The following PRDM11 variants were observed in gnomAD, a reference collection of about 807,000 sequenced individuals.
The protein encoded by PRDM11 is PR/SET domain 11, also known as PR domain-containing protein 11.
Under a neutral mutation model 97.8 loss-of-function variants are expected in PRDM11, and 20 were observed. That is an observed-to-expected ratio of 0.20 (90% CI 0.14 to 0.30). The LOEUF is 0.30. PRDM11 is among the 10% of genes least tolerant of loss of function. The pLI, the probability that PRDM11 is intolerant of heterozygous loss-of-function variation, is 1.00. For synonymous variants in PRDM11, 599 were observed against 637.7 expected, an observed-to-expected ratio of 0.94 and a Z score of 0.91; for missense variants, 1,139 against 1,555.2, an observed-to-expected ratio of 0.73 and a Z score of 4.50.
chr11:45,226,682 C>T lies in PRDM11; in HGVS notation c.2057C>T (p.Pro686Leu). 1.3e-6 allele frequency: 2 copies of T among 1,533,970 alleles called. No homozygotes were observed. Among genetic ancestry groups the T allele is most frequent in the African/African-American group, 2.7e-5 (2 of 73,100 alleles). The change falls in exon 8 of 8, where the codon CCC becomes CTC. Residue 686 changes from proline (P) to leucine (L), a missense_variant. By Grantham distance (98) the Pro-to-Leu change is moderately conservative. This residue lies in a region of PRDM11 where 710 missense variants were observed against 1,044.9 expected (regional missense o/e 0.68). Transcript: ENST00000683152. The part of the protein sequence containing the change: ...VYVQYTSSDG[P>L]PATEFLSLQE... Reference sequence around the variant, plus strand: ...GTTCAGTACACCAGCAGTGATGGGCCCCCGGCCACAGAGTTCCTGTCCCTG... The same window carrying T: ...GTTCAGTACACCAGCAGTGATGGGCTCCCGGCCACAGAGTTCCTGTCCCTG...
chr11:45,108,106 G>A (rs1852095368), intron 1 of PRDM11, among the ~76,000 whole-genome samples: 1 of 152,174 alleles, frequency 6.6e-6, no homozygotes, highest in African/African-American at 2.4e-5. Context: ...GGGATTACAA[G>A]CGTGAGCCAC....
intron 1 of PRDM11, among the ~76,000 whole-genome samples, chr11:45,124,791 T>C (rs1226012143): frequency 6.6e-6 from 1 of 152,226 alleles, no homozygotes; most frequent in Non-Finnish European, 1.5e-5. Context: ...GATATTGGTC[T>C]AACATTCTCT....
chr11:45,165,772 T>G (rs1852048977), intron 1 of PRDM11, among the ~76,000 whole-genome samples: 1 of 152,256 alleles, frequency 6.6e-6, no homozygotes, highest in Non-Finnish European at 1.5e-5. Flanking sequence ...AGTCACCAGT[T>G]TGCAGCCTGT....
At chr11:45,144,516 T>C (rs913959752), upstream of PRDM11, among the ~76,000 whole-genome samples, 2 of 152,190 alleles carry the variant, frequency 1.3e-5, no homozygotes, top group African/African-American at 4.8e-5. Flanking sequence ...CTTACCTCAC[T>C]TCCAACTTGC....
At chr11:45,140,316 G>A (rs1590372262) in intron 1 of PRDM11, among the ~76,000 whole-genome samples, 1 of 152,214 alleles carries the variant, frequency 6.6e-6, no homozygotes, top group Non-Finnish European at 1.5e-5. Flanking sequence ...GAGGCTCTGA[G>A]CAGATACAGG....
Position 45,227,799 on chromosome 11 carries a change from C to G in PRDM11, c.3174C>G (p.Ile1058Met). 6.5e-7 allele frequency: 1 copy of G among 1,533,924 alleles called. No homozygotes were observed. The highest frequency in any genetic ancestry group is 8.7e-7 in the Non-Finnish European group (1 of 1,146,730). The change falls in exon 8 of 8, where the codon ATC becomes ATG. Residue 1058 changes from isoleucine (I) to methionine (M), a missense_variant. Coordinates refer to ENST00000683152, the MANE Select transcript of PRDM11 (RefSeq NM_001384648.1). This position sits in a 1 kb window ranked among gnomAD's most constrained non-coding sequence, Gnocchi z 8.0. Reference sequence around the variant, plus strand: ...CCAAAAATGGCTTCAAAGACCTGATCAGCCACATTTGCAAGTACAAACAGA... The same window carrying G: ...CCAAAAATGGCTTCAAAGACCTGATGAGCCACATTTGCAAGTACAAACAGA... ...YYTKNGFKDL[I>M]SHICKYKQRF...
At chr11:45,164,473 C>T (rs926338572) in intron 1 of PRDM11, among the ~76,000 whole-genome samples, 12 of 152,176 alleles carry the variant, frequency 7.9e-5, no homozygotes, top group Non-Finnish European at 1.3e-4. Flanking sequence ...CATCTGGGGG[C>T]GTGCAAGAGA....
chr11:45,219,421 G>A lies in PRDM11; in HGVS notation c.555-149G>A, dbSNP rs965701883. 9 of 738,192 alleles carry A rather than the reference G, an allele frequency of 1.2e-5. No homozygotes were observed. Among genetic ancestry groups the A allele is most frequent in the East Asian group, 5.4e-5 (2 of 36,808 alleles). 45.7% of individuals were successfully genotyped at this position (738,192 alleles called of 1,614,324 possible). A position where few individuals can be genotyped will look rare whatever the true frequency, so the allele number is the denominator to read the frequency against. On this transcript the variant is annotated intron_variant, in intron 5 of 7. Coordinates refer to ENST00000683152, the MANE Select transcript of PRDM11 (RefSeq NM_001384648.1). This position sits in a 1 kb window ranked among gnomAD's most constrained non-coding sequence, Gnocchi z 4.2. ...GGGTTCTGGCTGGTGCTGCTTCTCCGGACAGGGCAGCTGCTCTGCTGATGT... is the reference window on the plus strand; with the variant it reads ...GGGTTCTGGCTGGTGCTGCTTCTCCAGACAGGGCAGCTGCTCTGCTGATGT...
chr11:45,155,355 A>G (rs1410099333), intron 1 of PRDM11, among the ~76,000 whole-genome samples: 1 of 152,194 alleles, frequency 6.6e-6, no homozygotes, highest in Non-Finnish European at 1.5e-5. Flanking sequence ...CCTCAGCCCC[A>G]GAAGGAAGTG....
chr11:45,188,944 C>G (rs1340650085), intron 4 of PRDM11, among the ~76,000 whole-genome samples: 1 of 152,192 alleles, frequency 6.6e-6, no homozygotes, highest in African/African-American at 2.4e-5. Context: ...TCTCGTTACC[C>G]AGGCTGGAGT....
chr11:45,166,885 T>C (rs569824479), intron 1 of PRDM11, among the ~76,000 whole-genome samples: 85 of 152,346 alleles, frequency 5.6e-4, no homozygotes, highest in African/African-American at 2.0e-3. Context: ...CCCATTTGTT[T>C]TGGCAAACTT....
chr11:45,160,388 A>G (rs564224800), intron 1 of PRDM11, among the ~76,000 whole-genome samples: 1 of 152,364 alleles, frequency 6.6e-6, no homozygotes, highest in African/African-American at 2.4e-5. Flanking sequence ...TGATCACAAC[A>G]TTCCAGATTT....
chr11:45,146,783 G>A lies in PRDM11; in HGVS notation c.-101G>A, dbSNP rs1474563313. The A allele has an allele frequency of 2.1e-5, 3 of 145,432 alleles. No homozygotes were observed. Among genetic ancestry groups the A allele is most frequent in the East Asian group, 2.0e-4 (1 of 5,052 alleles). 9.0% of individuals were successfully genotyped at this position (145,432 alleles called of 1,614,324 possible). On this transcript the variant is annotated 5_prime_UTR_variant, in exon 1 of 8. Transcript: ENST00000683152. ...CGCAGCGCGGCCGCTCCCTCCGCGG[G>A]GGCCGCCAGCCGAGGCCGCGCCGCC...
chr11:45,177,952 G>T (rs1852368801), intron 1 of PRDM11, among the ~76,000 whole-genome samples: 1 of 152,116 alleles, frequency 6.6e-6, no homozygotes, highest in Admixed American at 6.5e-5. Flanking sequence ...CAAATCTTTT[G>T]TGTGGTGAAG....
At chr11:45,213,344 G>T (rs768037289) in intron 5 of PRDM11, 9 of 454,656 alleles carry the variant, frequency 2.0e-5, no homozygotes, top group South Asian at 1.4e-4. Flanking sequence ...CTTGCAGGGA[G>T]GGGGGCGCAA....
intron 4 of PRDM11, among the ~76,000 whole-genome samples, chr11:45,187,563 C>T (rs1005857888): frequency 2.0e-5 from 3 of 152,180 alleles, no homozygotes; most frequent in African/African-American, 4.8e-5. Flanking sequence ...CACGAGTAGG[C>T]GTGGCCCCAG....
chr11:45,147,309 C>G (rs1245613534), intron 1 of PRDM11: 1 of 148,734 alleles, frequency 6.7e-6, no homozygotes, highest in Admixed American at 6.6e-5. Context: ...GGCGCGGACG[C>G]CGACGCCAGA....
At position 45,224,584 on chromosome 11, in the gene PRDM11, G is replaced by T. The variant is rs1357732259; in HGVS notation, c.1110G>T (p.Gly370=). The part of the protein sequence containing the change: ...QGEGDWKVPQ[G]VSKEPGQLED... The stretch of plus-strand genomic sequence containing the variant: ...AGGGGGACTGGAAGGTCCCCCAGGG[G>T]GTCTCCAAGGAGCCAGGCCAATTGG... The change falls in exon 7 of 8, where the codon GGG becomes GGT. Residue 370 remains glycine, a synonymous_variant. Coordinates refer to ENST00000683152, the MANE Select transcript of PRDM11 (RefSeq NM_001384648.1). 1 of 1,614,010 alleles carries T rather than the reference G, an allele frequency of 6.2e-7. No individual in the cohort carries two copies. Among genetic ancestry groups the T allele is most frequent in the Admixed American group, 1.7e-5 (1 of 60,010 alleles).
chr11:45,168,450 T>C (rs149148710), intron 1 of PRDM11, among the ~76,000 whole-genome samples: 48 of 152,274 alleles, frequency 3.2e-4, no homozygotes, highest in Middle Eastern at 3.4e-3. Context: ...TGCACAATGT[T>C]CAGAAGGGTA....
Sources: gnomAD v4.1 joint callset for allele counts (sites outside exome capture counted in the v4.1 genomes callset) on GRCh38, gnomAD v4.1.1 for gene constraint, gnomAD v4.1.1 regional missense constraint, Gnocchi (gnomAD v3.1) non-coding constraint, MANE v1.5 for transcripts, NCBI Gene and HGNC (gene_info 2026-07-23, HGNC 2026-07-21) for gene names.